Variants in KLHL1 observed in about 807,000 individuals in gnomAD.
KLHL1 encodes the protein kelch like family member 1, also known as kelch-like protein 1.
Under a neutral mutation model 77.7 loss-of-function variants are expected in KLHL1, and 47 were observed. The observed-to-expected ratio is 0.60, with a 90% CI of 0.48 to 0.77. KLHL1 has a LOEUF of 0.77. Among genes scored for constraint, KLHL1 ranks in the 30% least tolerant of loss-of-function variants. KLHL1 has a pLI of 0.00. For missense variants in KLHL1, 925 were observed against 910.8 expected, an observed-to-expected ratio of 1.02 and a Z score of -0.20; for synonymous variants, 360 against 325.2, an observed-to-expected ratio of 1.11 and a Z score of -1.15.
chr13:69,787,541 T>TA (rs1876622354), intron 7 of KLHL1, among the ~76,000 whole-genome samples: 1 of 152,162 alleles, frequency 6.6e-6, no homozygotes, highest in African/African-American at 2.4e-5. Context: ...ATGTTAGACC[T>TA]AAAACCATAA....
intron 1 of KLHL1, among the ~76,000 whole-genome samples, chr13:70,062,697 CTT>C (rs1467835631): frequency 6.6e-6 from 1 of 152,038 alleles, no homozygotes; most frequent in African/African-American, 2.4e-5. Context: ...TATAATCAGA[CTT>C]TTATCTGCTT....
intron 4 of KLHL1, among the ~76,000 whole-genome samples, chr13:69,890,955 G>T (rs181477717): frequency 1.3e-5 from 2 of 152,080 alleles, no homozygotes; most frequent in Non-Finnish European, 2.9e-5. Context: ...ACGAAGAAAA[G>T]TATTCAAAGA....
At chr13:69,961,171 T>A in intron 3 of KLHL1, 137 bp downstream of exon 3, 1 of 699,840 alleles carries the variant, frequency 1.4e-6, no homozygotes. Context: ...AAAAGTCTGA[T>A]TTTTGATCTA....
At position 69,981,386 on chromosome 13, in the gene KLHL1, GT is replaced by G. The variant is rs544408525; in HGVS notation, c.498-5585del. ...AAACGGCAAAATAAATTTGAAAGCAGTTTTTTTTTCTAAGTGATAAGAGTTA... is the reference window on the plus strand; with the variant it reads ...AAACGGCAAAATAAATTTGAAAGCAGTTTTTTTTCTAAGTGATAAGAGTTA... On this transcript the variant is annotated intron_variant, in intron 1 of 10. Coordinates refer to ENST00000377844, the MANE Select transcript of KLHL1 (RefSeq NM_020866.3). Among the ~76,000 whole-genome samples the G allele has an allele frequency of 3.2e-4, 48 of 151,202 alleles. 1 individual carries two copies. Among genetic ancestry groups the G allele is most frequent in the Admixed American group, 1.7e-3 (25 of 15,114 alleles).
chr13:69,845,972 A>G (rs1345271559), intron 5 of KLHL1, among the ~76,000 whole-genome samples: 1 of 151,490 alleles, frequency 6.6e-6, no homozygotes, highest in African/African-American at 2.4e-5. Flanking sequence ...AGTTTACTAT[A>G]ATACATACAG....
intron 6 of KLHL1, among the ~76,000 whole-genome samples, chr13:69,816,264 CT>C (rs1219634338): frequency 0.026 from 3,563 of 137,640 alleles, 102 homozygotes; most frequent in African/African-American, 0.082. Context: ...AATTTTTTTT[CT>C]TTTTTTTTTT....
chr13:70,105,974 T>C (rs1412989956), intron 1 of KLHL1, among the ~76,000 whole-genome samples: 2 of 150,504 alleles, frequency 1.3e-5, no homozygotes, highest in African/African-American at 4.8e-5. Context: ...TCTCTGAAAA[T>C]TAAAATTAAA....
At chr13:69,786,779 T>C (rs917164856) in intron 7 of KLHL1, among the ~76,000 whole-genome samples, 4 of 152,172 alleles carry the variant, frequency 2.6e-5, no homozygotes, top group Non-Finnish European at 4.4e-5. Flanking sequence ...GCCCAAAATC[T>C]CCTTAAGCTG....
At chr13:69,889,155 C>T (rs1006038573) in intron 4 of KLHL1, among the ~76,000 whole-genome samples, 5 of 151,904 alleles carry the variant, frequency 3.3e-5, no homozygotes, top group African/African-American at 1.2e-4. Context: ...GTAATAATTA[C>T]CTTAATGTTG....
chr13:69,728,501 G>A lies in KLHL1; in HGVS notation c.1803-8920C>T, dbSNP rs1180496285. Among the ~76,000 whole-genome samples the A allele has an allele frequency of 3.3e-5, 5 of 151,578 alleles. 1 individual carries two copies. The highest frequency in any genetic ancestry group is 4.2e-4 in the South Asian group (2 of 4,788). Reference sequence around the variant, plus strand: ...GCAATCTCAGCTCACTGCAGCCTCCGCTTCCCAGGTTCCAGAATTATTAGC... The same window carrying A: ...GCAATCTCAGCTCACTGCAGCCTCCACTTCCCAGGTTCCAGAATTATTAGC... On this transcript the variant is annotated intron_variant, in intron 8 of 10. Coordinates refer to ENST00000377844, the MANE Select transcript of KLHL1 (RefSeq NM_020866.3).
intron 1 of KLHL1, among the ~76,000 whole-genome samples, chr13:70,099,003 T>G (rs1887859603): frequency 6.6e-6 from 1 of 151,912 alleles, no homozygotes; most frequent in South Asian, 2.1e-4. Flanking sequence ...AACTTTTAGC[T>G]TCTTACTCAA....
intron 8 of KLHL1, among the ~76,000 whole-genome samples, chr13:69,730,184 A>C (rs1243286915): frequency 6.6e-6 from 1 of 152,168 alleles, no homozygotes; most frequent in South Asian, 2.1e-4. Context: ...GGTTATTCAA[A>C]GTAAAGTCAT....
Position 70,107,772 on chromosome 13 carries a change from C to A in KLHL1, c.-73G>T. On this transcript the variant is annotated 5_prime_UTR_variant, in exon 1 of 11. Transcript: ENST00000377844. ...CTGGTCAGCAGGTGGGGGAGGACAGCGGGGCCCGGGGGCGGAGGAAGAGGC... is the reference window on the plus strand; with the variant it reads ...CTGGTCAGCAGGTGGGGGAGGACAGAGGGGCCCGGGGGCGGAGGAAGAGGC... The A allele has an allele frequency of 8.4e-7, 1 of 1,186,268 alleles. No homozygotes were observed. The highest frequency in any genetic ancestry group is 1.1e-6 in the Non-Finnish European group (1 of 871,064). The allele number at this position is 1,186,268 out of a possible 1,614,324, so 73.5% of individuals were successfully genotyped here.
At chr13:69,704,707 T>C (rs1593758175) in intron 10 of KLHL1, among the ~76,000 whole-genome samples, 2 of 151,808 alleles carry the variant, frequency 1.3e-5, no homozygotes, top group Admixed American at 6.6e-5. Flanking sequence ...AAGTTTTCCT[T>C]CTTTTCTCTT....
chr13:69,852,320 C>A (rs1445272801), intron 5 of KLHL1, among the ~76,000 whole-genome samples: 1 of 151,856 alleles, frequency 6.6e-6, no homozygotes, highest in African/African-American at 2.4e-5. Flanking sequence ...CCTTACTTCT[C>A]CCACATTTTA....
chr13:70,088,586 G>A (rs1887599307), intron 1 of KLHL1, among the ~76,000 whole-genome samples: 1 of 152,026 alleles, frequency 6.6e-6, no homozygotes, highest in Admixed American at 6.6e-5. Context: ...AGGATGCTGA[G>A]GCAAGAGGAT....
chr13:69,830,301 C>A (rs553529970), intron 6 of KLHL1, among the ~76,000 whole-genome samples: 1 of 150,000 alleles, frequency 6.7e-6, no homozygotes, highest in African/African-American at 2.5e-5. Flanking sequence ...AGTAGCTATT[C>A]TTATATCAGA....
chr13:69,746,060 G>A (rs1874201297), intron 7 of KLHL1, among the ~76,000 whole-genome samples: 1 of 151,278 alleles, frequency 6.6e-6, no homozygotes, highest in African/African-American at 2.4e-5. Flanking sequence ...TGATCACTTT[G>A]CATTTGATTT....
intron 7 of KLHL1, among the ~76,000 whole-genome samples, chr13:69,751,513 G>T (rs940232006): frequency 1.3e-5 from 2 of 152,004 alleles, no homozygotes; most frequent in Non-Finnish European, 2.9e-5. Flanking sequence ...AGGAATTCTT[G>T]GCAGAAGAAA....
Sources: gnomAD v4.1 joint callset for allele counts (sites outside exome capture counted in the v4.1 genomes callset) on GRCh38, gnomAD v4.1.1 for gene constraint, MANE v1.5 for transcripts, NCBI Gene and HGNC (gene_info 2026-07-23, HGNC 2026-07-21) for gene names.